Variants in SPOP observed in about 807,000 individuals in gnomAD.
SPOP encodes the protein speckle-type POZ protein.
A neutral mutation model predicts 45.6 loss-of-function variants in SPOP; 11 were observed. The observed-to-expected ratio is 0.24, with a 90% CI of 0.15 to 0.40. The LOEUF (loss-of-function observed/expected upper bound fraction) is 0.40. SPOP is among the 10% of genes least tolerant of loss of function. The pLI is 1.00. For synonymous variants in SPOP, 166 were observed against 166.3 expected (o/e 1.00, Z 0.01); for missense variants, 152 against 465.6 (o/e 0.33, Z 6.20).
At chr17:49,604,306 T>C (rs2071794402) in intron 8 of SPOP, among the ~76,000 whole-genome samples, 1 of 152,216 alleles carries the variant, frequency 6.6e-6, no homozygotes, top group Admixed American at 6.5e-5. Context: ...AATTTTCACA[T>C]TGCTTCATTG....
chr17:49,639,074 T>C (rs1040006299), intron 1 of SPOP, among the ~76,000 whole-genome samples: 2 of 152,170 alleles, frequency 1.3e-5, no homozygotes, highest in Admixed American at 1.3e-4. Context: ...TGAGACACAG[T>C]GGTAAAAGAG....
intron 1 of SPOP, among the ~76,000 whole-genome samples, chr17:49,669,754 ACT>A (rs2073113598): frequency 1.1e-5 from 1 of 94,274 alleles, no homozygotes; most frequent in Non-Finnish European, 2.0e-5. Flanking sequence ...ACAGAGCAAG[ACT>A]CTGCCTCAAA....
At chr17:49,669,974 C>G (rs1371830994) in intron 1 of SPOP, among the ~76,000 whole-genome samples, 1 of 152,002 alleles carries the variant, frequency 6.6e-6, no homozygotes, top group Non-Finnish European at 1.5e-5. Context: ...TAGAGGCTTT[C>G]AAAGAACTAC....
intron 1 of SPOP, among the ~76,000 whole-genome samples, chr17:49,642,060 C>T (rs527777182): frequency 1.3e-5 from 2 of 151,140 alleles, no homozygotes; most frequent in East Asian, 2.0e-4. Flanking sequence ...TTTTTAATAA[C>T]AATGCCATTG....
At chr17:49,628,435 TAAGACCATG>T (rs1008975792) in intron 1 of SPOP, among the ~76,000 whole-genome samples, 63 of 152,112 alleles carry the variant, frequency 4.1e-4, no homozygotes, top group Non-Finnish European at 2.8e-4. Context: ...GTGGGTATTA[TAAGACCATG>T]AAGTCATTAA....
chr17:49,618,484 A>AG, intron 5 of SPOP: 1 of 452,574 alleles, frequency 2.2e-6, no homozygotes, highest in East Asian at 7.0e-5. Flanking sequence ...CCTTCACCCT[A>AG]GAAAAAAAAT....
rs767281381 is a variant in SPOP at position 49,600,447 on chromosome 17, T to C, written c.1056A>G (p.Ala352=). Residue 352 remains alanine, a synonymous_variant, in exon 10 of 10, where the codon GCA becomes GCG. Coordinates refer to ENST00000504102, the MANE Select transcript of SPOP (RefSeq NM_001007228.2). The surrounding 1 kb of genome is among the most constrained non-coding windows in gnomAD (Gnocchi z 4.2). ...ACTGTGCTGAAGCCAGAGAGCGGTA[T>C]GCCTCAGCCACCAAGTGGGGATGTG... The part of the protein sequence containing the change: ...VVSHPHLVAE[A]YRSLASAQCP... 4 of 1,613,022 alleles carry C rather than the reference T, an allele frequency of 2.5e-6. No homozygotes were observed. The South Asian group carries it at 4.4e-5, about 18-fold the overall frequency.
At chr17:49,630,209 C>G (rs1597941461) in intron 1 of SPOP, among the ~76,000 whole-genome samples, 1 of 152,260 alleles carries the variant, frequency 6.6e-6, no homozygotes, top group African/African-American at 2.4e-5. Context: ...AACAAAAAAA[C>G]TGTAAGACTT....
At chr17:49,624,405 T>C (rs748605742) in intron 1 of SPOP, among the ~76,000 whole-genome samples, 5 of 152,086 alleles carry the variant, frequency 3.3e-5, no homozygotes, top group Non-Finnish European at 5.9e-5. Flanking sequence ...GGTTTGATTA[T>C]AGTAATCATT....
rs1597927072 is a variant in SPOP at position 49,622,023 on chromosome 17, A to G, written c.123T>C (p.Phe41=). 9.3e-6 allele frequency: 15 copies of G among 1,614,024 alleles called. No individual in the cohort carries two copies. Among genetic ancestry groups the G allele is most frequent in the Admixed American group, 1.7e-5 (1 of 60,030 alleles). Residue 41 remains phenylalanine, a synonymous_variant, in exon 3 of 10, where the codon TTT becomes TTC. Coordinates refer to ENST00000504102, the MANE Select transcript of SPOP (RefSeq NM_001007228.2). ...KFSYMWTINN[F]SFCREEMGEV... is the part of the protein sequence containing the mutation. ...CACCCATTTCCTCCCGGCAAAAGCTAAAGTTATTGATGGTCCACATGTAGG... is the reference window on the plus strand; with the variant it reads ...CACCCATTTCCTCCCGGCAAAAGCTGAAGTTATTGATGGTCCACATGTAGG...
At chr17:49,629,844 G>A (rs1436674617) in intron 1 of SPOP, among the ~76,000 whole-genome samples, 1 of 152,150 alleles carries the variant, frequency 6.6e-6, no homozygotes, top group African/African-American at 2.4e-5. Context: ...TGATATCTAT[G>A]AATTAGCCTT....
intron 1 of SPOP, among the ~76,000 whole-genome samples, chr17:49,668,256 G>C (rs1419790333): frequency 6.6e-6 from 1 of 152,112 alleles, no homozygotes; most frequent in East Asian, 1.9e-4. Flanking sequence ...ACAATAAAAA[G>C]ATTGTTTATT....
chr17:49,646,767 G>A (rs2072765519), intron 1 of SPOP: 1 of 152,164 alleles, frequency 6.6e-6, no homozygotes, highest in African/African-American at 2.4e-5. Context: ...GGGAACAGAA[G>A]CTCAGAGTTC....
chr17:49,660,691 G>A (rs544929706), intron 1 of SPOP, among the ~76,000 whole-genome samples: 4 of 152,248 alleles, frequency 2.6e-5, no homozygotes, highest in South Asian at 2.1e-4. Flanking sequence ...CTGGCCAGGC[G>A]CAGTGGCTCA....
intron 1 of SPOP, among the ~76,000 whole-genome samples, chr17:49,656,268 A>C (rs1360506280): frequency 6.6e-6 from 1 of 152,224 alleles, no homozygotes; most frequent in East Asian, 1.9e-4. Flanking sequence ...ATATTTAAGT[A>C]TTGGGAAGAT....
intron 1 of SPOP, chr17:49,636,711 T>C (rs2072548586): frequency 6.6e-6 from 1 of 152,212 alleles, no homozygotes; most frequent in African/African-American, 2.4e-5. Flanking sequence ...TTCTGCTTTT[T>C]CCCTCATGAT....
chr17:49,599,588 A>T lies in SPOP; in HGVS notation c.*790T>A, dbSNP rs1197209690. On this transcript the variant is annotated 3_prime_UTR_variant, in exon 10 of 10. Transcript: ENST00000504102. ...AGAAAAATGCCCAAAAACATTTTCC[A>T]CAATATCTAAAAACAGAGAACCATA... 3 of 217,232 alleles carry T rather than the reference A, an allele frequency of 1.4e-5. No individual in the cohort carries two copies. The highest frequency in any genetic ancestry group is 6.8e-5 in the African/African-American group (3 of 44,296). The allele number at this position is 217,232 out of a possible 1,614,324, so 13.5% of individuals were successfully genotyped here. A position where few individuals can be genotyped will look rare whatever the true frequency, so the allele number is the denominator to read the frequency against.
intron 1 of SPOP, among the ~76,000 whole-genome samples, chr17:49,642,801 T>C (rs1229903151): frequency 6.6e-6 from 1 of 152,194 alleles, no homozygotes; most frequent in African/African-American, 2.4e-5. Flanking sequence ...CAATCAAACT[T>C]GGTGACTATG....
intron 1 of SPOP, among the ~76,000 whole-genome samples, chr17:49,659,591 T>A (rs1204184768): frequency 6.6e-6 from 1 of 152,202 alleles, no homozygotes; most frequent in Non-Finnish European, 1.5e-5. Context: ...TAGAGTAGGC[T>A]AGTTTCCATA....
Sources: gnomAD v4.1 joint callset for allele counts (sites outside exome capture counted in the v4.1 genomes callset) on GRCh38, gnomAD v4.1.1 for gene constraint, Gnocchi (gnomAD v3.1) non-coding constraint, MANE v1.5 for transcripts, NCBI Gene and HGNC (gene_info 2026-07-23, HGNC 2026-07-21) for gene names.